Variants in MTAP observed in about 807,000 individuals in gnomAD.
MTAP encodes methylthioadenosine phosphorylase.
A neutral mutation model predicts 33.6 loss-of-function variants in MTAP; 33 were observed. The ratio of observed to expected loss-of-function variants is 0.98; its 90% CI spans 0.74 to 1.31. MTAP has a LOEUF of 1.31. Ranked by LOEUF, MTAP falls within the 40% of genes most tolerant of loss-of-function variation. MTAP has a pLI of 0.00. For synonymous variants in MTAP, 148 were observed against 125.7 expected (o/e 1.18, Z -1.19); for missense variants, 367 against 360.0 (o/e 1.02, Z -0.16).
Position 21,865,614 on chromosome 9 carries a change from G to A in MTAP, c.*3600G>A. The A allele has an allele frequency of 1.0e-6, 1 of 987,172 alleles. No individual in the cohort carries two copies. Among genetic ancestry groups the A allele is most frequent in the Non-Finnish European group, 1.2e-6 (1 of 830,646 alleles). 61.2% of individuals were successfully genotyped at this position (987,172 alleles called of 1,614,324 possible). A position where few individuals can be genotyped will look rare whatever the true frequency, so the allele number is the denominator to read the frequency against. ...TTCAAGATAGGCAAGAAGGACAGCA[G>A]TAAATGAAGACCATGGAAGAAAAGA... On this transcript the variant is annotated 3_prime_UTR_variant, in exon 8 of 8. Transcript: ENST00000644715.
intron 1 of MTAP, among the ~76,000 whole-genome samples, chr9:21,814,695 A>T (rs997156922): frequency 1.4e-4 from 21 of 152,228 alleles, no homozygotes; most frequent in African/African-American, 4.8e-4. Flanking sequence ...AATACAATGC[A>T]TGAACTTAAA....
intron 1 of MTAP, among the ~76,000 whole-genome samples, chr9:21,906,377 C>T (rs959261789): frequency 3.9e-5 from 6 of 152,102 alleles, no homozygotes; most frequent in African/African-American, 1.4e-4. Flanking sequence ...AAGGGTTAAA[C>T]GTCAGACTGA....
At position 21,838,036 on chromosome 9, in the gene MTAP, C is replaced by G. The variant is rs1371140216; in HGVS notation, c.450+26C>G. Reference sequence around the variant, plus strand: ...GTGTGTAGTCTTTCTGGAAGGTGTACCAGAATAAATCATGTGGGCTTGGGG... The same window carrying G: ...GTGTGTAGTCTTTCTGGAAGGTGTAGCAGAATAAATCATGTGGGCTTGGGG... On this transcript the variant is annotated intron_variant, in intron 5 of 7. Coordinates refer to ENST00000644715, the MANE Select transcript of MTAP (RefSeq NM_002451.4). The G allele has an allele frequency of 4.4e-6, 7 of 1,591,984 alleles. No homozygotes were observed. The South Asian group carries it at 6.6e-5, about 15-fold the overall frequency.
chr9:21,904,392 C>T (rs1383877164), intron 1 of MTAP, among the ~76,000 whole-genome samples: 1 of 152,136 alleles, frequency 6.6e-6, no homozygotes, highest in African/African-American at 2.4e-5. Context: ...CCAGGGACCA[C>T]GACCTCCTCC....
downstream of MTAP, chr9:21,933,193 T>C (rs953899251): frequency 1.3e-5 from 2 of 152,242 alleles, no homozygotes; most frequent in African/African-American, 2.4e-5. Flanking sequence ...ATCTAGCTTT[T>C]TTCTTTTGAA....
At chr9:21,845,504 T>C (rs1251096949) in intron 5 of MTAP, among the ~76,000 whole-genome samples, 1 of 152,122 alleles carries the variant, frequency 6.6e-6, no homozygotes, top group African/African-American at 2.4e-5. Flanking sequence ...AGAACACTGC[T>C]GAAAGAAATT....
At position 21,859,298 on chromosome 9, in the gene MTAP, TC is replaced by T. The variant is rs762449627; in HGVS notation, c.691-4del. 3 of 1,604,690 alleles carry T rather than the reference TC, an allele frequency of 1.9e-6. No individual in the cohort carries two copies. In the African/African-American group the frequency reaches 4.1e-5, roughly 22 times the overall value. On this transcript the variant is annotated splice_polypyrimidine_tract_variant and splice_region_variant and intron_variant, in intron 6 of 7. Transcript: ENST00000644715. ...TAGTAACCTCCAGTGCTATTGTTTC[TC>T]TAGGTTTCGGTGGACCGGGTCTTAA...
At chr9:21,870,051 G>A (rs1472851745), downstream of MTAP, among the ~76,000 whole-genome samples, 1 of 151,996 alleles carries the variant, frequency 6.6e-6, no homozygotes, top group Non-Finnish European at 1.5e-5. Context: ...AGAGTATTTG[G>A]TTTGTGTTCC....
chr9:21,821,620 C>G (rs1181771005), intron 4 of MTAP, among the ~76,000 whole-genome samples: 2 of 152,178 alleles, frequency 1.3e-5, no homozygotes, highest in African/African-American at 4.8e-5. Flanking sequence ...GCTTTGGTAT[C>G]AGGATGATGC....
chr9:21,924,937 G>A (rs566321781), intron 1 of MTAP, among the ~76,000 whole-genome samples: 3 of 152,346 alleles, frequency 2.0e-5, no homozygotes, highest in African/African-American at 7.2e-5. Flanking sequence ...CACTTGGAGG[G>A]ATCTCTCAGT....
intron 4 of MTAP, among the ~76,000 whole-genome samples, chr9:21,826,637 T>C (rs958050185): frequency 8.1e-5 from 12 of 148,754 alleles, no homozygotes; most frequent in African/African-American, 2.9e-4. Context: ...ATTATTATTA[T>C]TATTATTATT....
At chr9:21,833,817 T>C (rs1229590530) in intron 4 of MTAP, among the ~76,000 whole-genome samples, 1 of 152,218 alleles carries the variant, frequency 6.6e-6, no homozygotes, top group Non-Finnish European at 1.5e-5. Flanking sequence ...AGGAAACGTA[T>C]TAACTAACAG....
At chr9:21,931,719 T>C (rs1315280219), downstream of MTAP, 1 of 152,222 alleles carries the variant, frequency 6.6e-6, no homozygotes, top group Non-Finnish European at 1.5e-5. Context: ...AAGTCTAAGG[T>C]CAAACAGGGC....
intron 6 of MTAP, among the ~76,000 whole-genome samples, 178 bp downstream of exon 6, chr9:21,855,048 G>T (rs1264590993): frequency 6.6e-6 from 1 of 152,188 alleles, no homozygotes; most frequent in African/African-American, 2.4e-5. Context: ...AGGAAAGAAA[G>T]AGACACTTTT....
chr9:21,921,615 T>G lies in MTAP; in HGVS notation c.148-9393T>G, dbSNP rs1257826448. On this transcript the variant is annotated intron_variant, in intron 1 of 1. Transcript: ENST00000577563. ...TCTGAATTCCTCAAGAACAATGGAA[T>G]GTAGATTTTGATTATCATGCAGAGC... Among the ~76,000 whole-genome samples the G allele has an allele frequency of 5.3e-5, 8 of 152,294 alleles. No homozygotes were observed. The East Asian group carries it at 1.2e-3, about 22-fold the overall frequency.
At chr9:21,878,739 A>G (rs1826048158) in intron 1 of MTAP, among the ~76,000 whole-genome samples, 1 of 152,140 alleles carries the variant, frequency 6.6e-6, no homozygotes, top group African/African-American at 2.4e-5. Context: ...TGTTCCAGAA[A>G]TTTTAGCAAG....
chr9:21,926,979 A>G (rs149579817), intron 1 of MTAP, among the ~76,000 whole-genome samples: 2 of 152,274 alleles, frequency 1.3e-5, no homozygotes, highest in East Asian at 1.9e-4. Context: ...CAGACTTTCA[A>G]TACTGGCATA....
At chr9:21,895,053 C>T (rs1053579610) in intron 1 of MTAP, among the ~76,000 whole-genome samples, 1 of 152,140 alleles carries the variant, frequency 6.6e-6, no homozygotes, top group Non-Finnish European at 1.5e-5. Flanking sequence ...AAAAACATTC[C>T]GTGCTCATAG....
intron 5 of MTAP, among the ~76,000 whole-genome samples, chr9:21,845,610 A>G (rs1329144044): frequency 6.6e-6 from 1 of 152,304 alleles, no homozygotes; most frequent in Non-Finnish European, 1.5e-5. Flanking sequence ...CCAAAAAGCA[A>G]TCCACAAATT....
Sources: allele counts gnomAD v4.1 joint callset (sites outside exome capture counted in the v4.1 genomes callset), GRCh38; gene constraint gnomAD v4.1.1; transcripts MANE v1.5; gene names NCBI Gene and HGNC (gene_info 2026-07-23, HGNC 2026-07-21).